The following NLRP14 variants were observed in gnomAD, a reference collection of about 807,000 sequenced individuals.
NLRP14 encodes NLR family pyrin domain containing 14.
NLRP14 carries 105 observed loss-of-function variants against 94.7 expected under a neutral mutation model. The ratio of observed to expected loss-of-function variants is 1.11; its 90% CI spans 0.95 to 1.30. The LOEUF (loss-of-function observed/expected upper bound fraction) is 1.30. NLRP14 is among the 50% of genes most tolerant of loss of function. The probability of loss-of-function intolerance (pLI) is 0.00; values close to 1 mark genes in which losing one functional copy is unlikely to be tolerated. For synonymous variants in NLRP14, 508 were observed against 459.9 expected, an observed-to-expected ratio of 1.10 and a Z score of -1.34; for missense variants, 1,362 against 1,254.1, an observed-to-expected ratio of 1.09 and a Z score of -1.30.
the NLRP14 span, among the ~76,000 whole-genome samples, chr11:7,080,351 A>C: frequency 6.6e-6 from 1 of 152,352 alleles, no homozygotes; most frequent in East Asian, 1.9e-4. Context: ...TGATTACTAC[A>C]GTAGTCTCCT....
chr11:7,042,333 T>A (rs1852264833), intron 3 of NLRP14, 55 bp from the exon 4 acceptor site: 1 of 1,414,964 alleles, frequency 7.1e-7, no homozygotes. Context: ...TCATAGAATT[T>A]GTTTTGATCA....
chr11:7,059,453 C>G (rs530903705), intron 8 of NLRP14, among the ~76,000 whole-genome samples: 1 of 151,806 alleles, frequency 6.6e-6, no homozygotes, highest in Non-Finnish European at 1.5e-5. Flanking sequence ...AAGGCTTAAA[C>G]TTATTTTCCC....
downstream of NLRP14, among the ~76,000 whole-genome samples, chr11:7,074,245 A>G (rs760010813): frequency 2.0e-5 from 3 of 152,200 alleles, no homozygotes; most frequent in Non-Finnish European, 4.4e-5. Flanking sequence ...ATTTGCAAGT[A>G]ATGTTACTGG....
chr11:7,071,126 G>T (rs1396897650), intron 11 of NLRP14, 47 bp from the exon 12 acceptor site: 1 of 1,609,822 alleles, frequency 6.2e-7, no homozygotes, highest in African/African-American at 1.3e-5. Context: ...GTGGAGGGCT[G>T]TAGGGAAATT....
chr11:7,089,639 C>T, the NLRP14 span: 390 of 1,302,738 alleles, frequency 3.0e-4, 2 homozygotes, highest in Middle Eastern at 1.1e-3. Context: ...CTCGCAGCAG[C>T]GGCGGTGGAA....
chr11:7,030,863 G>A (rs1284135667), intron 1 of NLRP14, among the ~76,000 whole-genome samples: 4 of 152,202 alleles, frequency 2.6e-5, no homozygotes, highest in Non-Finnish European at 4.4e-5. Context: ...AAGGAGGAAG[G>A]ACGTGCGCCC....
rs545236537 is a variant in NLRP14, at chr11:7,062,223, G to A, written c.2805-110G>A. The A allele has an allele frequency of 4.4e-6, 4 of 899,762 alleles. No individual in the cohort carries two copies. In the African/African-American group the frequency reaches 6.6e-5, roughly 15 times the overall value. The allele number at this position is 899,762 out of a possible 1,614,324, so 55.7% of individuals were successfully genotyped here. On this transcript the variant is annotated intron_variant, in intron 9 of 11. Transcript: ENST00000299481. ...CCTCCCATGTATGTCCTGGATTGTA[G>A]ATAGAAAAGAGTGAGAAAAGAGGTT...
chr11:7,069,102 T>C (rs902699990), intron 10 of NLRP14, among the ~76,000 whole-genome samples: 1 of 152,264 alleles, frequency 6.6e-6, no homozygotes, highest in African/African-American at 2.4e-5. Flanking sequence ...TCTGTTCGTT[T>C]CTGTCTTCTA....
intron 6 of NLRP14, among the ~76,000 whole-genome samples, chr11:7,054,202 A>G (rs1852485697): frequency 6.6e-6 from 1 of 151,958 alleles, no homozygotes; most frequent in Non-Finnish European, 1.5e-5. Flanking sequence ...TTATCCATTC[A>G]CCTTTTGATG....
intron 6 of NLRP14, among the ~76,000 whole-genome samples, chr11:7,052,768 C>G (rs1852459255): frequency 6.6e-6 from 1 of 152,102 alleles, no homozygotes; most frequent in Non-Finnish European, 1.5e-5. Context: ...GAAATTTTTG[C>G]TTCTTCAGGA....
intron 1 of NLRP14, among the ~76,000 whole-genome samples, chr11:7,029,137 G>C (rs1852055277): frequency 6.6e-6 from 1 of 151,960 alleles, no homozygotes; most frequent in Non-Finnish European, 1.5e-5. Flanking sequence ...AGAAATTAGG[G>C]GCCTATAAGG....
the NLRP14 span, chr11:7,090,290 C>T: frequency 5.0e-6 from 8 of 1,597,846 alleles, no homozygotes; most frequent in African/African-American, 5.4e-5. Flanking sequence ...GAGGCCGGAG[C>T]AGATACTAAG....
chr11:7,083,961 G>A, the NLRP14 span, among the ~76,000 whole-genome samples: 2 of 152,198 alleles, frequency 1.3e-5, no homozygotes, highest in African/African-American at 4.8e-5. Context: ...CCACAAAGCA[G>A]TAAAATCTCA....
At chr11:7,047,795 C>T (rs1364361573) in intron 5 of NLRP14, among the ~76,000 whole-genome samples, 3 of 118,654 alleles carry the variant, frequency 2.5e-5, no homozygotes, top group Non-Finnish European at 4.9e-5. Context: ...CAGTCTTGCT[C>T]TGTCACCAGG....
chr11:7,028,647 C>T (rs1184859339), intron 1 of NLRP14, among the ~76,000 whole-genome samples: 1 of 152,158 alleles, frequency 6.6e-6, no homozygotes, highest in Admixed American at 6.5e-5. Flanking sequence ...TATCTCTCTT[C>T]CTACCTTTCT....
intron 5 of NLRP14, 81 bp from the exon 6 acceptor site, chr11:7,049,590 A>T: frequency 1.0e-6 from 1 of 971,136 alleles, no homozygotes; most frequent in Non-Finnish European, 1.7e-6. Context: ...AATATCCAAG[A>T]ATTAGATTGA....
chr11:7,038,747 G>A lies in NLRP14; in HGVS notation c.161G>A (p.Arg54Lys). Residue 54 changes from arginine to lysine, a missense_variant, in exon 2 of 12, where the codon AGG (arginine) becomes AAG (lysine). Transcript: ENST00000299481. ...CCCTGGAATGAAGTGAAGAAGGCCA[G>A]GCGGGAGGACCTGGCCAATTTGATG... ...LTPWNEVKKA[R>K]REDLANLMKK... 6.2e-7 allele frequency: 1 copy of A among 1,614,116 alleles called. No homozygotes were observed. Among genetic ancestry groups the A allele is most frequent in the Non-Finnish European group, 8.5e-7 (1 of 1,179,996 alleles).
At position 7,042,902 on chromosome 11, in the gene NLRP14, G is replaced by T. The variant is rs747373681; in HGVS notation, c.876G>T (p.Leu292Phe). 6.2e-5 allele frequency: 100 copies of T among 1,614,050 alleles called. No individual in the cohort carries two copies. The highest frequency in any genetic ancestry group is 8.5e-5 in the Non-Finnish European group (100 of 1,180,016). ...CAGTGTCCTTCCTCATGAGTAGTTT[G>T]CTGAGGAAAGTGATGCTCCCTGAGG... ...EHPVSFLMSS[L>F]LRKVMLPEAS... Residue 292 changes from leucine (L) to phenylalanine (F), a missense_variant, in exon 4 of 12, where the codon TTG (leucine) becomes TTT (phenylalanine). By Grantham distance (22) the Leu-to-Phe change is conservative. Coordinates refer to ENST00000299481, the MANE Select transcript of NLRP14 (RefSeq NM_176822.4).
intron 1 of NLRP14, among the ~76,000 whole-genome samples, chr11:7,027,365 G>A (rs748757100): frequency 1.1e-4 from 16 of 151,930 alleles, no homozygotes; most frequent in Non-Finnish European, 2.2e-4. Context: ...GTTTAGTGAG[G>A]GCCACTTCCT....
Sources: allele counts gnomAD v4.1 joint callset (sites outside exome capture counted in the v4.1 genomes callset), GRCh38; gene constraint gnomAD v4.1.1; transcripts MANE v1.5; gene names NCBI Gene and HGNC (gene_info 2026-07-23, HGNC 2026-07-21).